DISC1: variants seen among roughly 807,000 people sequenced by gnomAD.
DISC1 encodes disrupted in schizophrenia 1 protein.
DISC1 carries 57 observed loss-of-function variants against 84.5 expected under a neutral mutation model. The ratio of observed to expected loss-of-function variants is 0.67; its 90% CI spans 0.55 to 0.84. DISC1 has a LOEUF of 0.84. DISC1 is among the 40% of genes least tolerant of loss of function. The pLI is 0.00. For missense variants in DISC1, 1,000 were observed against 1,057.8 expected, an observed-to-expected ratio of 0.95 and a Z score of 0.76; for synonymous variants, 411 against 415.2, an observed-to-expected ratio of 0.99 and a Z score of 0.12.
chr1:231,724,209 C>T (rs2070294640), intron 3 of DISC1: 1 of 267,606 alleles, frequency 3.7e-6, no homozygotes, highest in Admixed American at 6.5e-5. Context: ...CCTGGGCTGT[C>T]TCCTGGGATG....
In DISC1 at chr1:231,961,422, A is replaced by G. The variant is rs189598173; in HGVS notation, c.2042+2534A>G. On this transcript the variant is annotated intron_variant, in intron 10 of 12. Transcript: ENST00000439617. ...TATTTTAGATTCAGGGGGTATATGT[A>G]TAGGTTTGTTATATGGATGTATCGT... is the stretch of plus-strand genomic sequence containing the variant. Among the ~76,000 whole-genome samples the G allele has an allele frequency of 4.6e-5, 7 of 152,194 alleles. No individual in the cohort carries two copies. In the East Asian group the frequency reaches 1.4e-3, roughly 29 times the overall value.
chr1:231,911,215 A>T (rs555598731), intron 9 of DISC1, among the ~76,000 whole-genome samples: 1 of 152,260 alleles, frequency 6.6e-6, no homozygotes, highest in Middle Eastern at 3.4e-3. Context: ...TGATCCTGTC[A>T]TTACGATGTT....
At chr1:231,955,265 A>C (rs1352191990) in intron 9 of DISC1, among the ~76,000 whole-genome samples, 2 of 152,138 alleles carry the variant, frequency 1.3e-5, no homozygotes, top group East Asian at 3.9e-4. Flanking sequence ...GCCAATCCCA[A>C]ATGTCTCTGT....
chr1:231,863,562 A>G (rs1202977732), intron 9 of DISC1, among the ~76,000 whole-genome samples: 1 of 152,186 alleles, frequency 6.6e-6, no homozygotes, highest in African/African-American at 2.4e-5. Flanking sequence ...GCATAGCTTT[A>G]TGTTGAATTC....
intron 6 of DISC1, among the ~76,000 whole-genome samples, chr1:231,775,385 T>C (rs1197833018): frequency 6.6e-6 from 1 of 152,208 alleles, no homozygotes; most frequent in African/African-American, 2.4e-5. Context: ...CCCTGGCCAA[T>C]GTCAGAGATG....
At chr1:231,807,875 T>G (rs2079873770) in intron 8 of DISC1, among the ~76,000 whole-genome samples, 2 of 152,382 alleles carry the variant, frequency 1.3e-5, no homozygotes, top group South Asian at 4.1e-4. Context: ...AAAAAAACTT[T>G]TAAAAGAGAA....
chr1:231,940,326 C>T (rs1034001495), intron 9 of DISC1, among the ~76,000 whole-genome samples: 2 of 152,144 alleles, frequency 1.3e-5, no homozygotes, highest in East Asian at 1.9e-4. Context: ...ACATACCTGC[C>T]GAGTGAGTGA....
intron 11 of DISC1, among the ~76,000 whole-genome samples, chr1:232,011,184 A>G (rs866596): frequency 0.28 from 43,129 of 151,910 alleles, 6,412 homozygotes; most frequent in African/African-American, 0.33. Flanking sequence ...GCACCTGTCA[A>G]TTTCACTATC....
intron 8 of DISC1, among the ~76,000 whole-genome samples, chr1:231,800,769 C>T (rs912195617): frequency 6.6e-6 from 1 of 152,070 alleles, no homozygotes; most frequent in Non-Finnish European, 1.5e-5. Flanking sequence ...TTTATTTTCA[C>T]AATTGCTATA....
intron 9 of DISC1, among the ~76,000 whole-genome samples, chr1:231,947,660 A>G (rs1475140147): frequency 6.6e-6 from 1 of 152,206 alleles, no homozygotes; most frequent in Non-Finnish European, 1.5e-5. Context: ...TATCATCAGC[A>G]TGAACAGGCA....
intron 9 of DISC1, chr1:231,941,122 G>T (rs1015328733): frequency 4.6e-5 from 7 of 152,196 alleles, no homozygotes; most frequent in African/African-American, 1.7e-4. Context: ...GTTAGGATTT[G>T]GTATGGCAGC....
intron 11 of DISC1, among the ~76,000 whole-genome samples, chr1:232,024,496 GC>G (rs1490624338): frequency 3.9e-5 from 6 of 152,026 alleles, no homozygotes; most frequent in Non-Finnish European, 7.4e-5. Flanking sequence ...GACTATTACC[GC>G]ACCTGGGCAT....
At chr1:231,651,986 C>T (rs1352038362) in intron 1 of DISC1, among the ~76,000 whole-genome samples, 1 of 152,206 alleles carries the variant, frequency 6.6e-6, no homozygotes, top group African/African-American at 2.4e-5. Context: ...TTTCCAGGTA[C>T]AGTCTGTCAC....
intron 3 of DISC1, among the ~76,000 whole-genome samples, chr1:231,733,179 G>A (rs1472707523): frequency 6.6e-6 from 1 of 151,156 alleles, no homozygotes; most frequent in East Asian, 1.9e-4. Context: ...TGGTGGTGAT[G>A]TTTACTTGGC....
intron 10 of DISC1, among the ~76,000 whole-genome samples, chr1:231,981,818 A>C (rs1663644029): frequency 6.6e-6 from 1 of 152,196 alleles, no homozygotes; most frequent in Non-Finnish European, 1.5e-5. Context: ...CTGACCAGAC[A>C]GAAAGGGTTA....
In DISC1 at chr1:231,932,015, T is replaced by A. The variant is rs561691964; in HGVS notation, c.1982-26813T>A. 1.9e-4 allele frequency among the ~76,000 whole-genome samples: 29 copies of A among 152,204 alleles called. 1 individual carries two copies. In the East Asian group the frequency reaches 3.9e-3, roughly 20 times the overall value. On this transcript the variant is annotated intron_variant, in intron 9 of 12. Transcript: ENST00000439617. ...GAGCCCGACTATTTGCATACGTGTT[T>A]TTTGCTCAGTACTGACACCTGGTGG... is the stretch of plus-strand genomic sequence containing the variant.
At chr1:231,946,809 A>G (rs918950909) in intron 9 of DISC1, among the ~76,000 whole-genome samples, 9 of 152,228 alleles carry the variant, frequency 5.9e-5, no homozygotes, top group Admixed American at 3.3e-4. Flanking sequence ...CCATACACCA[A>G]TAACAGACAA....
At chr1:231,818,882 C>T in intron 9 of DISC1, 1 of 1,067,758 alleles carries the variant, frequency 9.4e-7, no homozygotes, top group Non-Finnish European at 1.1e-6. Flanking sequence ...TCTGCACAAT[C>T]ATAGACTAAA....
chr1:231,972,079 CT>C (rs141539943), intron 10 of DISC1, among the ~76,000 whole-genome samples: 3,808 of 152,320 alleles, frequency 0.025, 73 homozygotes, highest in Non-Finnish European at 0.037. Context: ...GGTAATTACG[CT>C]GCCCGGTCTC....
Sources: allele counts gnomAD v4.1 joint callset (sites outside exome capture counted in the v4.1 genomes callset), GRCh38; gene constraint gnomAD v4.1.1; transcripts MANE v1.5; gene names NCBI Gene and HGNC (gene_info 2026-07-23, HGNC 2026-07-21).